The following KIF15 variants were observed in gnomAD, a reference collection of about 807,000 sequenced individuals.
The protein encoded by KIF15 is kinesin family member 15, also known as kinesin-like protein KIF15.
Under a neutral mutation model 190.6 loss-of-function variants are expected in KIF15, and 140 were observed. That is an observed-to-expected ratio of 0.73 (90% CI 0.64 to 0.84). The LOEUF is 0.84. KIF15 is among the 40% of genes least tolerant of loss of function. The pLI is 0.00. For missense variants in KIF15, 1,372 were observed against 1,584.4 expected, an observed-to-expected ratio of 0.87 and a Z score of 2.28; for synonymous variants, 528 against 551.3, an observed-to-expected ratio of 0.96 and a Z score of 0.59.
chr3:44,864,414 C>T (rs1461250580), intron 6 of KIF15: 1 of 1,589,816 alleles, frequency 6.3e-7, no homozygotes, highest in African/African-American at 1.3e-5. Flanking sequence ...TGGATAACCC[C>T]TCCTTTCCCA....
At chr3:44,766,165 G>A (rs1705364717) in intron 1 of KIF15, among the ~76,000 whole-genome samples, 1 of 152,136 alleles carries the variant, frequency 6.6e-6, no homozygotes, top group Non-Finnish European at 1.5e-5. Flanking sequence ...ATGCTTTGTT[G>A]CAAATGAATT....
At chr3:44,829,243 G>A (rs1697844956) in intron 24 of KIF15, among the ~76,000 whole-genome samples, 1 of 150,562 alleles carries the variant, frequency 6.6e-6, no homozygotes, top group Admixed American at 6.7e-5. Flanking sequence ...TGTAGTCCCA[G>A]CTACTCGAGA....
chr3:44,795,351 T>C (rs957218402), intron 8 of KIF15, among the ~76,000 whole-genome samples: 1 of 152,152 alleles, frequency 6.6e-6, no homozygotes, highest in Non-Finnish European at 1.5e-5. Flanking sequence ...CATTTCAGCA[T>C]GGCTCAATGG....
intron 24 of KIF15, among the ~76,000 whole-genome samples, chr3:44,829,587 T>TTATATATTATATATGCA (rs1299108909): frequency 3.5e-5 from 1 of 28,686 alleles, no homozygotes; most frequent in Non-Finnish European, 5.9e-5. Flanking sequence ...TATGTATATA[T>TTATATATTATATATGCA]TATATATTAT....
At chr3:44,858,055 A>C (rs1275882016), downstream of KIF15, among the ~76,000 whole-genome samples, 1 of 152,244 alleles carries the variant, frequency 6.6e-6, no homozygotes, top group Non-Finnish European at 1.5e-5. Flanking sequence ...GCCTTGCGGC[A>C]GTACAGCCCA....
At chr3:44,837,689 G>T (rs911631644) in intron 26 of KIF15, among the ~76,000 whole-genome samples, 4 of 152,056 alleles carry the variant, frequency 2.6e-5, no homozygotes, top group Non-Finnish European at 5.9e-5. Flanking sequence ...AGGATAAGCA[G>T]TATCTGCTCT....
intron 6 of KIF15, chr3:44,865,676 G>A (rs760673128): frequency 1.2e-4 from 19 of 158,160 alleles, no homozygotes; most frequent in Non-Finnish European, 2.4e-4. Flanking sequence ...TACCAGGTAC[G>A]GTATCTTAAT....
chr3:44,848,897 C>G (rs1386243231), intron 32 of KIF15, among the ~76,000 whole-genome samples: 2 of 152,210 alleles, frequency 1.3e-5, no homozygotes, highest in African/African-American at 4.8e-5. Flanking sequence ...CTGAGGCCCT[C>G]TGAGACCCAA....
intron 17 of KIF15, among the ~76,000 whole-genome samples, chr3:44,811,353 A>G (rs917831591): frequency 1.3e-5 from 2 of 152,218 alleles, no homozygotes; most frequent in African/African-American, 4.8e-5. Context: ...CTGCTAAAAA[A>G]AGTTAAAAGA....
intron 6 of KIF15, chr3:44,861,978 T>G: frequency 3.0e-5 from 42 of 1,387,472 alleles, no homozygotes; most frequent in Non-Finnish European, 3.8e-5. Flanking sequence ...CCGCGTACCC[T>G]GACACCCCCG....
intron 20 of KIF15, among the ~76,000 whole-genome samples, chr3:44,817,621 C>T (rs1410444280): frequency 6.6e-6 from 1 of 152,130 alleles, no homozygotes; most frequent in Non-Finnish European, 1.5e-5. Flanking sequence ...GGTACCAGTA[C>T]CATGCTGTTT....
intron 8 of KIF15, among the ~76,000 whole-genome samples, chr3:44,796,803 C>T (rs2125628828): frequency 6.6e-6 from 1 of 152,218 alleles, no homozygotes; most frequent in African/African-American, 2.4e-5. Flanking sequence ...TGAATATTCT[C>T]CTCAAATAAG....
intron 3 of KIF15, among the ~76,000 whole-genome samples, chr3:44,776,423 T>TAA (rs771749089): frequency 3.0e-5 from 4 of 134,772 alleles, no homozygotes; most frequent in African/African-American, 8.2e-5. Flanking sequence ...CTCTATCTCT[T>TAA]AAAAAAAAAA....
chr3:44,840,091 A>T (rs1698515127), intron 27 of KIF15, among the ~76,000 whole-genome samples: 1 of 152,168 alleles, frequency 6.6e-6, no homozygotes, highest in Non-Finnish European at 1.5e-5. Flanking sequence ...TAGTTTGTTG[A>T]GGAACTTCCA....
intron 20 of KIF15, among the ~76,000 whole-genome samples, chr3:44,816,774 C>T (rs1199870838): frequency 1.3e-5 from 2 of 152,164 alleles, no homozygotes; most frequent in African/African-American, 4.8e-5. Flanking sequence ...ATCGGTGGCT[C>T]AAATGGTATT....
chr3:44,829,436 GTATA>G (rs1279603083), intron 24 of KIF15, among the ~76,000 whole-genome samples: 2 of 135,846 alleles, frequency 1.5e-5, no homozygotes, highest in East Asian at 4.0e-4. Context: ...TAATATATAT[GTATA>G]TATTATATAC....
chr3:44,862,031 G>A (rs1699259239), intron 6 of KIF15: 2 of 1,382,402 alleles, frequency 1.4e-6, no homozygotes, highest in Admixed American at 3.5e-5. Flanking sequence ...ATGCGGCGCC[G>A]CTTTTGGGGC....
intron 26 of KIF15, among the ~76,000 whole-genome samples, chr3:44,833,151 T>G (rs1416845566): frequency 6.6e-6 from 1 of 152,042 alleles, no homozygotes; most frequent in East Asian, 1.9e-4. Flanking sequence ...GGAAGTTAAA[T>G]TTCTCCCTGT....
intron 4 of KIF15, among the ~76,000 whole-genome samples, chr3:44,779,193 C>T (rs1010099756): frequency 2.0e-5 from 3 of 152,178 alleles, no homozygotes; most frequent in South Asian, 4.1e-4. Context: ...TGCTATAGCT[C>T]ATCCTTTTGT....
Sources: allele counts gnomAD v4.1 joint callset (sites outside exome capture counted in the v4.1 genomes callset), GRCh38; gene constraint gnomAD v4.1.1; transcripts MANE v1.5; gene names NCBI Gene and HGNC (gene_info 2026-07-23, HGNC 2026-07-21).